Variants in PTPN21 observed in about 807,000 individuals in gnomAD.
PTPN21 encodes the protein protein tyrosine phosphatase non-receptor type 21.
In PTPN21, 77 loss-of-function variants were observed where a neutral mutation model predicts 131.8. That is an observed-to-expected ratio of 0.58 (90% confidence interval 0.49 to 0.71). The LOEUF (loss-of-function observed/expected upper bound fraction) is 0.71. Ranked by LOEUF, PTPN21 falls within the 30% of genes least tolerant of loss-of-function variation. PTPN21 has a pLI of 0.00. For missense variants in PTPN21, 1,552 were observed against 1,527.1 expected, an observed-to-expected ratio of 1.02 and a Z score of -0.27; for synonymous variants, 715 against 621.3, an observed-to-expected ratio of 1.15 and a Z score of -2.24.
At chr14:88,532,601 A>C (rs1026163642) in intron 2 of PTPN21, among the ~76,000 whole-genome samples, 1 of 152,172 alleles carries the variant, frequency 6.6e-6, no homozygotes. Context: ...AATTTCTCCT[A>C]TCTCTTTTAT....
At chr14:88,489,311 T>G (rs2140113820) in intron 10 of PTPN21, among the ~76,000 whole-genome samples, 1 of 152,310 alleles carries the variant, frequency 6.6e-6, no homozygotes, top group East Asian at 1.9e-4. Flanking sequence ...GGAGTTAAGA[T>G]TTTGATAAAC....
In PTPN21 at chr14:88,500,809, C is replaced by A; in HGVS notation, c.738G>T (p.Lys246Asn). The A allele has an allele frequency of 6.2e-7, 1 of 1,613,572 alleles. No individual in the cohort carries two copies. Among genetic ancestry groups the A allele is most frequent in the South Asian group, 1.1e-5 (1 of 91,066 alleles). The change falls in exon 8 of 19, where the codon AAG becomes AAT. Residue 246 changes from lysine (K) to asparagine (N), a missense_variant. Physicochemically the swap from Lys to Asn is moderately conservative, Grantham distance 94. Coordinates refer to ENST00000556564, the MANE Select transcript of PTPN21 (RefSeq NM_007039.4). The part of the protein sequence containing the change: ...ACLEGIFVKH[K>N]NGRHPVVFRW... Reference sequence around the variant, plus strand: ...TAAATACCACAGGATGCCTTCCATTCTTGTGTTTCACAAAGATACCTTCAA... The same window carrying A: ...TAAATACCACAGGATGCCTTCCATTATTGTGTTTCACAAAGATACCTTCAA...
rs1442488544 is a variant in PTPN21, at chr14:88,485,121, A to G, written c.1033T>C (p.Leu345=). ...TCTGTATAATGTCCATTATAGTGCA[A>G]CTGCGGTGGGGGAGGCATCACGTAG... ...QPYVMPPPPQ[L]HYNGHYTEPY... Residue 345 remains leucine, a synonymous_variant, in exon 12 of 19, where the codon TTG becomes CTG. Coordinates refer to ENST00000556564, the MANE Select transcript of PTPN21 (RefSeq NM_007039.4). The G allele has an allele frequency of 6.2e-6, 10 of 1,608,728 alleles. No individual in the cohort carries two copies. Among genetic ancestry groups the G allele is most frequent in the Middle Eastern group, 1.6e-4 (1 of 6,072 alleles).
chr14:88,532,464 T>C (rs2078568374), intron 2 of PTPN21, among the ~76,000 whole-genome samples: 1 of 152,188 alleles, frequency 6.6e-6, no homozygotes, highest in South Asian at 2.1e-4. Context: ...TTTGTGCCGT[T>C]TGACAGTTAA....
intron 13 of PTPN21, among the ~76,000 whole-genome samples, chr14:88,477,430 C>CAGGG (rs1312954346): frequency 1.1e-5 from 1 of 87,424 alleles, no homozygotes; most frequent in Admixed American, 1.9e-4. Flanking sequence ...GCCTGGGCAA[C>CAGGG]AGGGCAAGAC....
Position 88,468,386 on chromosome 14 carries a change from A to G in PTPN21, c.3397-121T>C, listed in dbSNP as rs192382829. The G allele has an allele frequency of 1.6e-4, 156 of 957,038 alleles. No homozygotes were observed. In the East Asian group the frequency reaches 3.0e-3, roughly 18 times the overall value. 59.3% of individuals were successfully genotyped at this position (957,038 alleles called of 1,614,324 possible). ...AGATGGACAGTCTCTTTTCCACCTTAGCGTCTTCTAGAAATAAGCCATGAT... is the reference window on the plus strand; with the variant it reads ...AGATGGACAGTCTCTTTTCCACCTTGGCGTCTTCTAGAAATAAGCCATGAT... On this transcript the variant is annotated intron_variant, in intron 18 of 18. Transcript: ENST00000556564.
chr14:88,496,819 T>C (rs574842580), intron 9 of PTPN21, among the ~76,000 whole-genome samples: 1 of 152,354 alleles, frequency 6.6e-6, no homozygotes, highest in South Asian at 2.1e-4. Flanking sequence ...AAAATATGAC[T>C]CAGTAACTCA....
chr14:88,484,900 A>G (rs1257912731), intron 12 of PTPN21, among the ~76,000 whole-genome samples, 176 bp downstream of exon 12: 3 of 152,136 alleles, frequency 2.0e-5, no homozygotes, highest in Non-Finnish European at 4.4e-5. Flanking sequence ...AAAAACAAAC[A>G]AACAAACAAA....
rs2077429128 is a variant in PTPN21, at chr14:88,469,782, C to T, written c.3001-49G>A. On this transcript the variant is annotated intron_variant, in intron 16 of 18. Coordinates refer to ENST00000556564, the MANE Select transcript of PTPN21 (RefSeq NM_007039.4). The surrounding 1 kb of genome is among the most constrained non-coding windows in gnomAD (Gnocchi z 4.3). ...ATGACTCGAGATCCGGCAATGGATG[C>T]CTTTCTCACATAGACGGCACATCTG... The T allele has an allele frequency of 6.2e-7, 1 of 1,602,536 alleles. No homozygotes were observed. Among genetic ancestry groups the T allele is most frequent in the African/African-American group, 1.3e-5 (1 of 74,642 alleles).
rs574766180 is a variant in PTPN21 at position 88,510,527 on chromosome 14, G to A, written c.351-2507C>T. 1.1e-4 allele frequency among the ~76,000 whole-genome samples: 17 copies of A among 152,240 alleles called. 1 individual carries two copies. The highest frequency in any genetic ancestry group is 3.9e-4 in the East Asian group (2 of 5,180). The stretch of plus-strand genomic sequence containing the variant: ...ACCCAAAGGTCTTGTTCTTAACCAC[G>A]ACAAATCTACAGTTATAGATATTTC... On this transcript the variant is annotated intron_variant, in intron 3 of 18. Coordinates refer to ENST00000556564, the MANE Select transcript of PTPN21 (RefSeq NM_007039.4).
chr14:88,478,935 C>A lies in PTPN21; in HGVS notation c.2496G>T (p.Gly832=). 6 of 1,507,054 alleles carry A rather than the reference C, an allele frequency of 4.0e-6. No individual in the cohort carries two copies. Among genetic ancestry groups the A allele is most frequent in the Non-Finnish European group, 4.4e-6 (5 of 1,129,218 alleles). The allele number at this position is 1,507,054 out of a possible 1,614,324, so 93.4% of individuals were successfully genotyped here. A position where few individuals can be genotyped will look rare whatever the true frequency, so the allele number is the denominator to read the frequency against. ...CGTGGCTTACCCCTAGAGGCGGGAGCCCTTCCACGATGTTCTTCTTCCCAG... is the reference window on the plus strand; with the variant it reads ...CGTGGCTTACCCCTAGAGGCGGGAGACCTTCCACGATGTTCTTCTTCCCAG... ...LLSGKKNIVE[G]LPPLGGMKKT... The change falls in exon 13 of 19, where the codon GGG becomes GGT. Residue 832 remains glycine, a synonymous_variant. Transcript: ENST00000556564.
chr14:88,542,944 C>G (rs1215011829), intron 2 of PTPN21, among the ~76,000 whole-genome samples: 1 of 152,174 alleles, frequency 6.6e-6, no homozygotes, highest in Non-Finnish European at 1.5e-5. Flanking sequence ...TGAATAACTA[C>G]TTGGCCCAAA....
chr14:88,521,439 G>C (rs1157118158), intron 2 of PTPN21, among the ~76,000 whole-genome samples: 1 of 151,314 alleles, frequency 6.6e-6, no homozygotes, highest in Admixed American at 6.6e-5. Flanking sequence ...TTTCACTCTT[G>C]TTGCCCAGGC....
chr14:88,467,478 CAG>C lies in PTPN21; in HGVS notation c.*657_*658del, dbSNP rs143001569. Reference sequence around the variant, plus strand: ...ATGAATTGAGCTCTCATTTGAAAAACAGAAGGTACAACTATATAGAATTTTTA... The same window carrying C: ...ATGAATTGAGCTCTCATTTGAAAAACAAGGTACAACTATATAGAATTTTTA... On this transcript the variant is annotated 3_prime_UTR_variant, in exon 19 of 19. Coordinates refer to ENST00000556564, the MANE Select transcript of PTPN21 (RefSeq NM_007039.4). The C allele has an allele frequency of 6.6e-6, 1 of 152,090 alleles. No individual in the cohort carries two copies. The highest frequency in any genetic ancestry group is 1.5e-5 in the Non-Finnish European group (1 of 68,024). 9.4% of individuals were successfully genotyped at this position (152,090 alleles called of 1,614,324 possible).
rs1245661796 is a variant in PTPN21 at position 88,550,477 on chromosome 14, C to A, written c.-60G>T. 7 of 1,483,224 alleles carry A rather than the reference C, an allele frequency of 4.7e-6. No homozygotes were observed. In the African/African-American group the frequency reaches 5.6e-5, roughly 12 times the overall value. 91.9% of individuals were successfully genotyped at this position (1,483,224 alleles called of 1,614,324 possible). A position where few individuals can be genotyped will look rare whatever the true frequency, so the allele number is the denominator to read the frequency against. On this transcript the variant is annotated 5_prime_UTR_variant, in exon 2 of 19. Transcript: ENST00000556564. ...GGAAAAGCTACCCCCACCAACCCAGCGCTGGTGACGCCAGGAGAAAGCGAT... is the reference window on the plus strand; with the variant it reads ...GGAAAAGCTACCCCCACCAACCCAGAGCTGGTGACGCCAGGAGAAAGCGAT...
At chr14:88,522,034 A>G (rs2078401981) in intron 2 of PTPN21, among the ~76,000 whole-genome samples, 1 of 152,246 alleles carries the variant, frequency 6.6e-6, no homozygotes, top group African/African-American at 2.4e-5. Flanking sequence ...CTGAACAAAT[A>G]CATTTGTTGA....
At chr14:88,531,120 A>ATTAAC (rs1464951441) in intron 2 of PTPN21, among the ~76,000 whole-genome samples, 1 of 152,262 alleles carries the variant, frequency 6.6e-6, no homozygotes, top group East Asian at 1.9e-4. Flanking sequence ...AAAACTGGAA[A>ATTAAC]TTAACTCCAA....
At chr14:88,501,222 G>A (rs767315550) in intron 7 of PTPN21, 59 bp downstream of exon 7, 1 of 1,418,930 alleles carries the variant, frequency 7.0e-7, no homozygotes, top group Admixed American at 1.7e-5. Flanking sequence ...ATTTCCCCAT[G>A]ATTTTCTCAA....
intron 7 of PTPN21, 149 bp downstream of exon 7, chr14:88,501,132 A>G (rs1001238590): frequency 1.3e-6 from 1 of 757,030 alleles, no homozygotes; most frequent in African/African-American, 1.7e-5. Flanking sequence ...TTACCACAAA[A>G]CTTTGGTCAC....
Sources: gnomAD v4.1 joint callset for allele counts (sites outside exome capture counted in the v4.1 genomes callset) on GRCh38, gnomAD v4.1.1 for gene constraint, Gnocchi (gnomAD v3.1) non-coding constraint, MANE v1.5 for transcripts, NCBI Gene and HGNC (gene_info 2026-07-23, HGNC 2026-07-21) for gene names.